CRMP1: variants seen among roughly 807,000 people sequenced by gnomAD.
The protein encoded by CRMP1 is dihydropyrimidinase-related protein 1.
In CRMP1, 19 loss-of-function variants were observed where a neutral mutation model predicts 68.3. The ratio of observed to expected loss-of-function variants is 0.28; its 90% confidence interval spans 0.19 to 0.41. The LOEUF is 0.41. CRMP1 is among the 10% of genes least tolerant of loss of function. CRMP1 has a pLI of 1.00. For synonymous variants in CRMP1, 439 were observed against 399.6 expected (o/e 1.10, Z -1.18); for missense variants, 791 against 967.4 (o/e 0.82, Z 2.42).
chr4:5,873,888 G>A (rs551560847), intron 1 of CRMP1, among the ~76,000 whole-genome samples: 1 of 152,214 alleles, frequency 6.6e-6, no homozygotes, highest in African/African-American at 2.4e-5. Flanking sequence ...ATGTGTAAAG[G>A]GGAGTCTGGG....
At chr4:5,824,849 A>G in intron 13 of CRMP1, 1 of 985,368 alleles carries the variant, frequency 1.0e-6, no homozygotes, top group Non-Finnish European at 1.2e-6. Flanking sequence ...GCCTGCCCTC[A>G]TGTGGCCATC....
At position 5,839,687 on chromosome 4, in the gene CRMP1, G is replaced by A. The variant is rs1186300155; in HGVS notation, c.1154-9C>T. Reference sequence around the variant, plus strand: ...TCCAAAAACTAGGGGCCCTTAGGAGGGGAAAACATAAGCCTGGTTAAAAGC... The same window carrying A: ...TCCAAAAACTAGGGGCCCTTAGGAGAGGAAAACATAAGCCTGGTTAAAAGC... On this transcript the variant is annotated splice_polypyrimidine_tract_variant and intron_variant, in intron 8 of 13. Coordinates refer to ENST00000324989, the MANE Select transcript of CRMP1 (RefSeq NM_001014809.3). 3.6e-5 allele frequency: 57 copies of A among 1,564,268 alleles called. No individual in the cohort carries two copies. The highest frequency in any genetic ancestry group is 4.8e-5 in the Non-Finnish European group (56 of 1,164,866).
rs866859539 is a variant in CRMP1 at position 5,851,588 on chromosome 4, G to T, written c.821-119C>A. 3.4e-5 allele frequency: 34 copies of T among 1,007,428 alleles called. 2 individuals carry two copies. Among genetic ancestry groups the T allele is most frequent in the South Asian group, 3.3e-4 (24 of 73,146 alleles). 62.4% of individuals were successfully genotyped at this position (1,007,428 alleles called of 1,614,324 possible). On this transcript the variant is annotated intron_variant, in intron 4 of 13. Coordinates refer to ENST00000324989, the MANE Select transcript of CRMP1 (RefSeq NM_001014809.3). ...TCGCCAGGAGAGATGAGTGCCATTG[G>T]GATCCCCAGTGGGGCACCTATCCAG... is the stretch of plus-strand genomic sequence containing the variant.
At chr4:5,822,078 T>G (rs1718694172) in intron 13 of CRMP1, among the ~76,000 whole-genome samples, 1 of 152,234 alleles carries the variant, frequency 6.6e-6, no homozygotes, top group Non-Finnish European at 1.5e-5. Flanking sequence ...GACCACCTTG[T>G]GGTGTTCTTG....
intron 1 of CRMP1, among the ~76,000 whole-genome samples, chr4:5,876,465 G>T (rs944925726): frequency 6.6e-6 from 1 of 152,096 alleles, no homozygotes; most frequent in Admixed American, 6.5e-5. Context: ...GAAAGCTCAG[G>T]GTAACTAACT....
intron 13 of CRMP1, among the ~76,000 whole-genome samples, chr4:5,823,910 G>A (rs1719102403): frequency 6.6e-6 from 1 of 152,278 alleles, no homozygotes; most frequent in East Asian, 1.9e-4. Context: ...ATTAAAAAGG[G>A]CATCTGTGAG....
chr4:5,836,985 A>G, intron 9 of CRMP1, 79 bp from the exon 10 acceptor site: 1 of 1,472,530 alleles, frequency 6.8e-7, no homozygotes, highest in Non-Finnish European at 9.1e-7. Flanking sequence ...AGGTACATGC[A>G]GCACAGCCAG....
At chr4:5,840,622 C>T (rs571063877) in intron 8 of CRMP1, among the ~76,000 whole-genome samples, 74 of 152,338 alleles carry the variant, frequency 4.9e-4, no homozygotes, top group African/African-American at 1.7e-3. Flanking sequence ...GAGAAACTAA[C>T]TTGTTCATTT....
At position 5,870,743 on chromosome 4, in the gene CRMP1, T is replaced by C. The variant is rs115216560; in HGVS notation, c.382-3987A>G. ...TTGCTCCTAGGCCCCACAACCTATCTGTACCGCTAAAAAAGATGTGTGCAT... is the reference window on the plus strand; with the variant it reads ...TTGCTCCTAGGCCCCACAACCTATCCGTACCGCTAAAAAAGATGTGTGCAT... On this transcript the variant is annotated intron_variant, in intron 1 of 13. Transcript: ENST00000324989. This position sits in a 1 kb window ranked among gnomAD's most constrained non-coding sequence, Gnocchi z 6.0. Among the ~76,000 whole-genome samples, 3,005 of 152,254 alleles carry C rather than the reference T, an allele frequency of 0.02. 58 individuals carry two copies. Among genetic ancestry groups the C allele is most frequent in the South Asian group, 0.046 (223 of 4,816 alleles).
chr4:5,830,928 AT>A (rs1720333380), intron 11 of CRMP1, among the ~76,000 whole-genome samples: 2 of 152,116 alleles, frequency 1.3e-5, no homozygotes, highest in Non-Finnish European at 1.5e-5. Flanking sequence ...AAGTCCCTGA[AT>A]TTATGTAAGT....
intron 6 of CRMP1, among the ~76,000 whole-genome samples, chr4:5,844,287 G>T (rs1167603324): frequency 1.4e-5 from 2 of 139,066 alleles, no homozygotes; most frequent in Non-Finnish European, 3.0e-5. Flanking sequence ...AGAATACCGA[G>T]AAATCCCTCT....
At position 5,870,238 on chromosome 4, in the gene CRMP1, A is replaced by T. The variant is rs1033985696; in HGVS notation, c.382-3482T>A. ...CCGCTCGACTTCCCCTGTTTGGGAC[A>T]ACACACACCACCACCCTGCCAGCTG... On this transcript the variant is annotated intron_variant, in intron 1 of 13. Coordinates refer to ENST00000324989, the MANE Select transcript of CRMP1 (RefSeq NM_001014809.3). This position sits in a 1 kb window ranked among gnomAD's most constrained non-coding sequence, Gnocchi z 6.0. 2.6e-5 allele frequency among the ~76,000 whole-genome samples: 4 copies of T among 152,202 alleles called. No homozygotes were observed. Among genetic ancestry groups the T allele is most frequent in the Admixed American group, 2.0e-4 (3 of 15,280 alleles).
At position 5,854,451 on chromosome 4, in the gene CRMP1, C is replaced by A. The variant is rs1560503999; in HGVS notation, c.820+1692G>T. On this transcript the variant is annotated intron_variant, in intron 4 of 13. Coordinates refer to ENST00000324989, the MANE Select transcript of CRMP1 (RefSeq NM_001014809.3). This position sits in a 1 kb window ranked among gnomAD's most constrained non-coding sequence, Gnocchi z 4.0. ...ATAGAGTCGTGGTCTCACTATGTTG[C>A]CCAGGCTGGTCTCAAACTCCAGGCC... is the stretch of plus-strand genomic sequence containing the variant. Among the ~76,000 whole-genome samples, 1 of 147,488 alleles carries A rather than the reference C, an allele frequency of 6.8e-6. No homozygotes were observed. The highest frequency in any genetic ancestry group is 2.0e-4 in the East Asian group (1 of 5,016).
In CRMP1 at chr4:5,843,461, T is replaced by C. The variant is rs10016683; in HGVS notation, c.964-300A>G. Among the ~76,000 whole-genome samples, 67,744 of 151,698 alleles carry C rather than the reference T, an allele frequency of 0.45. 15,497 individuals are homozygous for C. The highest frequency in any genetic ancestry group is 0.55 in the African/African-American group (22,717 of 41,368). Reference sequence around the variant, plus strand: ...ACGAGCTTCCAAGGCCACCCACCACTCTCTGAATCTCGGAGTCTCCCTGCA... The same window carrying C: ...ACGAGCTTCCAAGGCCACCCACCACCCTCTGAATCTCGGAGTCTCCCTGCA... On this transcript the variant is annotated intron_variant, in intron 6 of 13. Coordinates refer to ENST00000324989, the MANE Select transcript of CRMP1 (RefSeq NM_001014809.3). The surrounding 1 kb of genome is among the most constrained non-coding windows in gnomAD (Gnocchi z 4.1).
intron 1 of CRMP1, among the ~76,000 whole-genome samples, chr4:5,885,172 G>A (rs755535680): frequency 2.6e-5 from 4 of 152,066 alleles, no homozygotes; most frequent in Admixed American, 6.5e-5. Context: ...TGAGCAGAAC[G>A]ATCAGCCTCC....
chr4:5,825,090 G>A lies in CRMP1; in HGVS notation c.1969+404C>T, dbSNP rs1436140751. 1 of 985,250 alleles carries A rather than the reference G, an allele frequency of 1.0e-6. No homozygotes were observed. The highest frequency in any genetic ancestry group is 1.2e-6 in the Non-Finnish European group (1 of 829,924). 61.0% of individuals were successfully genotyped at this position (985,250 alleles called of 1,614,324 possible). Reference sequence around the variant, plus strand: ...ATGAAAGTGCTTAGTACACTGCAGTGGGTGAACAGGCTAAAGACTTACACA... The same window carrying A: ...ATGAAAGTGCTTAGTACACTGCAGTAGGTGAACAGGCTAAAGACTTACACA... On this transcript the variant is annotated intron_variant, in intron 13 of 13. Transcript: ENST00000324989. This position sits in a 1 kb window ranked among gnomAD's most constrained non-coding sequence, Gnocchi z 4.4.
intron 1 of CRMP1, among the ~76,000 whole-genome samples, chr4:5,868,279 A>ATAGATATATATATATC (rs1560513310): frequency 2.3e-5 from 2 of 86,874 alleles, no homozygotes; most frequent in African/African-American, 1.1e-4. Context: ...ATATATATAT[A>ATAGATATATATATATC]TATATATATA....
At chr4:5,878,011 C>T (rs1053433646) in intron 1 of CRMP1, among the ~76,000 whole-genome samples, 1 of 152,248 alleles carries the variant, frequency 6.6e-6, no homozygotes, top group African/African-American at 2.4e-5. Context: ...CCGAACAGAA[C>T]TCCTTTGCCT....
rs567376432 is a variant in CRMP1 at position 5,842,609 on chromosome 4, C to A, written c.1032+484G>T. Among the ~76,000 whole-genome samples, 2 of 150,638 alleles carry A rather than the reference C, an allele frequency of 1.3e-5. No homozygotes were observed. Reference sequence around the variant, plus strand: ...ACTCACACACTCTCTCACACACACACACACACACTCACTCACACACACACA... The same window carrying A: ...ACTCACACACTCTCTCACACACACAAACACACACTCACTCACACACACACA... On this transcript the variant is annotated intron_variant, in intron 7 of 13. Transcript: ENST00000324989. The surrounding 1 kb of genome is among the most constrained non-coding windows in gnomAD (Gnocchi z 4.5).
Sources: gnomAD v4.1 joint callset for allele counts (sites outside exome capture counted in the v4.1 genomes callset) on GRCh38, gnomAD v4.1.1 for gene constraint, Gnocchi (gnomAD v3.1) non-coding constraint, MANE v1.5 for transcripts, NCBI Gene and HGNC (gene_info 2026-07-23, HGNC 2026-07-21) for gene names.